The following GNE variants were observed in gnomAD, a reference collection of about 807,000 sequenced individuals.
GNE encodes the protein bifunctional UDP-N-acetylglucosamine 2-epimerase/N-acetylmannosamine kinase.
A neutral mutation model predicts 61.8 loss-of-function variants in GNE; 41 were observed. That is an observed-to-expected ratio of 0.66 (90% CI 0.52 to 0.86). The LOEUF is 0.86. Among genes scored for constraint, GNE ranks in the 40% least tolerant of loss-of-function variants. The pLI, the probability that GNE is intolerant of heterozygous loss-of-function variation, is 0.00. For missense variants in GNE, 608 were observed against 909.1 expected (o/e 0.67, Z 4.26); for synonymous variants, 264 against 326.4 (o/e 0.81, Z 2.06).
At chr9:36,272,155 T>C (rs1247349637) in intron 1 of GNE, among the ~76,000 whole-genome samples, 3 of 152,122 alleles carry the variant, frequency 2.0e-5, no homozygotes, top group Non-Finnish European at 4.4e-5. Flanking sequence ...GGCGGTCTTA[T>C]GAGATAGATG....
Position 36,249,123 on chromosome 9 carries a change from T to C in GNE, c.164+69A>G, listed in dbSNP as rs1193841846. ...ACAGGAATTTGAAGCTGGGCCCATA[T>C]GGCTACAAAACCCAAGCTCCTTCTA... On this transcript the variant is annotated intron_variant, in intron 2 of 11. Transcript: ENST00000642385. The C allele has an allele frequency of 3.1e-6, 4 of 1,276,302 alleles. No homozygotes were observed. In the African/African-American group the frequency reaches 4.4e-5, roughly 14 times the overall value. 79.1% of individuals were successfully genotyped at this position (1,276,302 alleles called of 1,614,324 possible).
chr9:36,259,347 T>TGACAAGAAA (rs1830532670), upstream of GNE, among the ~76,000 whole-genome samples: 1 of 152,146 alleles, frequency 6.6e-6, no homozygotes, highest in Non-Finnish European at 1.5e-5. Context: ...GAGTCACCAT[T>TGACAAGAAA]GACAAGAAAC....
At chr9:36,252,357 CCTT>C (rs752129264) in intron 1 of GNE, among the ~76,000 whole-genome samples, 10 of 152,144 alleles carry the variant, frequency 6.6e-5, no homozygotes, top group South Asian at 2.1e-4. Context: ...TGTATATAAT[CCTT>C]CTTCCAGTGA....
intron 1 of GNE, among the ~76,000 whole-genome samples, chr9:36,254,938 G>A (rs1421422258): frequency 6.6e-6 from 1 of 152,118 alleles, no homozygotes; most frequent in African/African-American, 2.4e-5. Context: ...GGCAACAAGA[G>A]TGAGATTCCA....
upstream of GNE, among the ~76,000 whole-genome samples, chr9:36,259,785 C>G (rs941337144): frequency 2.0e-5 from 3 of 152,094 alleles, no homozygotes; most frequent in Non-Finnish European, 2.9e-5. Context: ...CTTAGCCTCC[C>G]GAGTAGCTGG....
intron 6 of GNE, among the ~76,000 whole-genome samples, chr9:36,228,611 T>C (rs1163375544): frequency 1.3e-5 from 2 of 151,792 alleles, no homozygotes; most frequent in Non-Finnish European, 2.9e-5. Flanking sequence ...TTGCCCAACA[T>C]GGTGAAACCC....
intron 7 of GNE, among the ~76,000 whole-genome samples, chr9:36,224,084 G>A (rs118150060): frequency 0.021 from 3,140 of 151,830 alleles, 54 homozygotes; most frequent in Non-Finnish European, 0.032. Context: ...TTCAATGTTC[G>A]CTAATTTGAG....
chr9:36,220,386 C>T (rs77200144), intron 9 of GNE, among the ~76,000 whole-genome samples: 1 of 152,308 alleles, frequency 6.6e-6, no homozygotes, highest in African/African-American at 2.4e-5. Context: ...GCCTACTCAG[C>T]CACGCAGGCA....
intron 1 of GNE, among the ~76,000 whole-genome samples, chr9:36,272,789 G>A (rs1296417551): frequency 2.6e-5 from 4 of 151,604 alleles, no homozygotes; most frequent in African/African-American, 9.7e-5. Context: ...GTGGAGAAGG[G>A]GCCGGGCCCA....
At chr9:36,220,476 G>A (rs1161541250) in intron 9 of GNE, among the ~76,000 whole-genome samples, 1 of 152,188 alleles carries the variant, frequency 6.6e-6, no homozygotes, top group Non-Finnish European at 1.5e-5. Flanking sequence ...CTGTTCTGCA[G>A]GCTTCTTAGG....
intron 5 of GNE, among the ~76,000 whole-genome samples, chr9:36,233,683 A>C (rs1378654021): frequency 1.3e-5 from 2 of 151,914 alleles, no homozygotes; most frequent in Non-Finnish European, 2.9e-5. Flanking sequence ...AAAAAAAGAA[A>C]GAACCACTTA....
intron 1 of GNE, among the ~76,000 whole-genome samples, chr9:36,257,708 C>T (rs1472539136): frequency 3.5e-4 from 48 of 138,258 alleles, no homozygotes; most frequent in African/African-American, 4.3e-4. Context: ...GAGGCTGAGG[C>T]AGGAGAATGG....
At chr9:36,275,812 A>C (rs1831240408) in intron 1 of GNE, among the ~76,000 whole-genome samples, 1 of 152,232 alleles carries the variant, frequency 6.6e-6, no homozygotes, top group African/African-American at 2.4e-5. Flanking sequence ...GAAAGTATGC[A>C]TTGGTGATAC....
intron 9 of GNE, among the ~76,000 whole-genome samples, chr9:36,221,434 C>T (rs1828583157): frequency 6.6e-6 from 1 of 152,124 alleles, no homozygotes; most frequent in South Asian, 2.1e-4. Context: ...CGCTTATTAG[C>T]TAAGTCTGTT....
intron 3 of GNE, among the ~76,000 whole-genome samples, chr9:36,243,329 G>A (rs1198741966): frequency 6.6e-6 from 1 of 152,164 alleles, no homozygotes; most frequent in Admixed American, 6.6e-5. Context: ...ACAGGCATGT[G>A]CCACCACATC....
chr9:36,248,985 C>T (rs1830009724), intron 2 of GNE, among the ~76,000 whole-genome samples: 2 of 152,294 alleles, frequency 1.3e-5, no homozygotes, highest in Middle Eastern at 3.4e-3. Context: ...TCATGATCTC[C>T]ATTCCTCACA....
chr9:36,229,645 TG>T (rs1829049843), intron 5 of GNE, among the ~76,000 whole-genome samples: 1 of 152,198 alleles, frequency 6.6e-6, no homozygotes, highest in South Asian at 2.1e-4. Context: ...TTGTGTTGTT[TG>T]TTTTTAAGAT....
Position 36,217,131 on chromosome 9 carries a change from G to C in GNE, c.*234C>G, listed in dbSNP as rs185123552. ...AGAAAATTGTGACTGTAACTTACAG[G>C]GTTTGAGCTAAAATGACCCCTAGTA... On this transcript the variant is annotated 3_prime_UTR_variant, in exon 12 of 12. Transcript: ENST00000642385. 1 of 553,790 alleles carries C rather than the reference G, an allele frequency of 1.8e-6. No individual in the cohort carries two copies. Among genetic ancestry groups the C allele is most frequent in the East Asian group, 3.1e-5 (1 of 31,822 alleles). The allele number at this position is 553,790 out of a possible 1,614,324, so 34.3% of individuals were successfully genotyped here.
chr9:36,226,976 T>C (rs1367543154), intron 7 of GNE, among the ~76,000 whole-genome samples: 1 of 152,170 alleles, frequency 6.6e-6, no homozygotes, highest in Non-Finnish European at 1.5e-5. Flanking sequence ...TTCAGGTCTT[T>C]TGGGTGGCAA....
Sources: gnomAD v4.1 joint callset for allele counts (sites outside exome capture counted in the v4.1 genomes callset) on GRCh38, gnomAD v4.1.1 for gene constraint, MANE v1.5 for transcripts, NCBI Gene and HGNC (gene_info 2026-07-23, HGNC 2026-07-21) for gene names.